LRP1B: variants seen among roughly 807,000 people sequenced by gnomAD.
LRP1B encodes the protein LDL receptor related protein 1B.
Under a neutral mutation model 556.6 loss-of-function variants are expected in LRP1B, and 217 were observed. The observed-to-expected ratio is 0.39, with a 90% CI of 0.35 to 0.44. The LOEUF (loss-of-function observed/expected upper bound fraction) is 0.44, where lower values mean the gene tolerates loss of function less well. Among genes scored for constraint, LRP1B ranks in the 20% least tolerant of loss-of-function variants. The pLI, the probability that LRP1B is intolerant of heterozygous loss-of-function variation, is 1.00. For missense variants in LRP1B, 5,053 were observed against 5,620.8 expected, an observed-to-expected ratio of 0.90 and a Z score of 3.23; for synonymous variants, 2,047 against 1,865.8, an observed-to-expected ratio of 1.10 and a Z score of -2.50.
At chr2:141,639,730 G>T (rs1328819996) in intron 2 of LRP1B, among the ~76,000 whole-genome samples, 3 of 151,970 alleles carry the variant, frequency 2.0e-5, no homozygotes, top group Non-Finnish European at 4.4e-5. Flanking sequence ...AATCCATCAG[G>T]ATTATTACAG....
intron 1 of LRP1B, among the ~76,000 whole-genome samples, chr2:141,984,497 G>A (rs1246578403): frequency 6.6e-6 from 1 of 152,012 alleles, no homozygotes; most frequent in Non-Finnish European, 1.5e-5. Flanking sequence ...AATATATATA[G>A]AAGGTATGAT....
At chr2:141,800,960 GT>G in intron 2 of LRP1B, among the ~76,000 whole-genome samples, 1 of 152,288 alleles carries the variant, frequency 6.6e-6, no homozygotes, top group South Asian at 2.1e-4. Context: ...CACCATTTAA[GT>G]GAAAATGAAT....
At chr2:140,776,285 T>A (rs2104951336) in intron 32 of LRP1B, 47 bp from the exon 33 acceptor site, 1 of 1,232,140 alleles carries the variant, frequency 8.1e-7, no homozygotes, top group Non-Finnish European at 1.1e-6. Flanking sequence ...AATTATCTTA[T>A]TAAATAATAA....
At chr2:141,272,723 G>C (rs972955639) in intron 3 of LRP1B, among the ~76,000 whole-genome samples, 1 of 151,882 alleles carries the variant, frequency 6.6e-6, no homozygotes, top group Admixed American at 6.6e-5. Flanking sequence ...AACAAATAAA[G>C]ACATTTTACA....
At chr2:140,508,338 T>A (rs1472970511) in intron 52 of LRP1B, among the ~76,000 whole-genome samples, 3 of 152,148 alleles carry the variant, frequency 2.0e-5, no homozygotes, top group Admixed American at 2.0e-4. Context: ...GTATATTTTA[T>A]ACACATCACT....
intron 1 of LRP1B, among the ~76,000 whole-genome samples, chr2:142,058,662 G>A (rs1168010577): frequency 6.6e-6 from 1 of 152,058 alleles, no homozygotes; most frequent in Non-Finnish European, 1.5e-5. Context: ...GGACACCCCT[G>A]CTTTAGAGCA....
At chr2:142,110,455 C>G (rs1213182588) in intron 1 of LRP1B, among the ~76,000 whole-genome samples, 1 of 151,960 alleles carries the variant, frequency 6.6e-6, no homozygotes, top group Admixed American at 6.6e-5. Context: ...TCACAGGACA[C>G]GCAGCAAGAG....
intron 7 of LRP1B, among the ~76,000 whole-genome samples, chr2:141,127,775 A>T (rs1357126306): frequency 2.2e-5 from 1 of 44,842 alleles, no homozygotes; most frequent in African/African-American, 4.9e-5. Context: ...AAACTGGTTT[A>T]AAAAAAATCA....
intron 35 of LRP1B, among the ~76,000 whole-genome samples, chr2:140,753,465 T>TGTCC (rs1688649355): frequency 1.3e-5 from 2 of 152,164 alleles, no homozygotes; most frequent in Admixed American, 1.3e-4. Context: ...TGTCACTGAT[T>TGTCC]TATAGCATAA....
intron 7 of LRP1B, among the ~76,000 whole-genome samples, chr2:141,126,037 A>AT (rs61318987): frequency 0.15 from 21,626 of 144,436 alleles, 1,728 homozygotes; most frequent in East Asian, 0.27. Flanking sequence ...TCTTCCTTTT[A>AT]TTTTTTTTTT....
chr2:140,610,414 C>T (rs1252083799), intron 41 of LRP1B, among the ~76,000 whole-genome samples: 1 of 152,110 alleles, frequency 6.6e-6, no homozygotes. Flanking sequence ...AATGCAGGGT[C>T]TGCATATTTA....
chr2:140,470,636 C>T (rs71415494), intron 60 of LRP1B, among the ~76,000 whole-genome samples: 2 of 93,060 alleles, frequency 2.1e-5, no homozygotes, highest in Non-Finnish European at 1.9e-5. Context: ...AAGAGGGAGA[C>T]TCTGTCTCAA....
chr2:141,974,456 C>T (rs1369807461), intron 1 of LRP1B, among the ~76,000 whole-genome samples: 1 of 152,104 alleles, frequency 6.6e-6, no homozygotes, highest in Non-Finnish European at 1.5e-5. Context: ...CGTCACAGAC[C>T]TACAACCTTT....
At chr2:141,267,277 T>A (rs551714607) in intron 3 of LRP1B, among the ~76,000 whole-genome samples, 36 of 152,312 alleles carry the variant, frequency 2.4e-4, no homozygotes, top group African/African-American at 8.4e-4. Context: ...GTGCTATCTC[T>A]TACCACAGAT....
At chr2:141,908,989 G>C (rs541488918) in intron 1 of LRP1B, among the ~76,000 whole-genome samples, 14 of 152,116 alleles carry the variant, frequency 9.2e-5, no homozygotes, top group South Asian at 6.2e-4. Flanking sequence ...CCATGGAGGT[G>C]TAAGAGTCGG....
chr2:141,071,025 T>C (rs1699624222), intron 7 of LRP1B, among the ~76,000 whole-genome samples: 1 of 152,250 alleles, frequency 6.6e-6, no homozygotes, highest in South Asian at 2.1e-4. Flanking sequence ...ATCGTCCTGA[T>C]ACCAAAGCCG....
chr2:140,833,649 C>T (rs772650814), intron 31 of LRP1B, among the ~76,000 whole-genome samples: 1 of 152,112 alleles, frequency 6.6e-6, no homozygotes, highest in African/African-American at 2.4e-5. Context: ...TTTAAAGTCA[C>T]AGTTTCCAAG....
chr2:141,938,952 A>G (rs1357580360), intron 1 of LRP1B, among the ~76,000 whole-genome samples: 2 of 152,068 alleles, frequency 1.3e-5, no homozygotes, highest in African/African-American at 4.8e-5. Context: ...AAAATTAAAT[A>G]CACAGAAATA....
intron 7 of LRP1B, among the ~76,000 whole-genome samples, chr2:141,079,884 A>G (rs1255329464): frequency 6.6e-6 from 1 of 152,228 alleles, no homozygotes; most frequent in Admixed American, 6.5e-5. Context: ...AAGCAATTTG[A>G]GAGCAAGGAC....
Sources: allele counts gnomAD v4.1 joint callset (sites outside exome capture counted in the v4.1 genomes callset), GRCh38; gene constraint gnomAD v4.1.1; transcripts MANE v1.5; gene names NCBI Gene and HGNC (gene_info 2026-07-23, HGNC 2026-07-21).